Variants in RALY observed in about 807,000 individuals in gnomAD.
The protein encoded by RALY is RNA-binding protein Raly.
Under a neutral mutation model 30.7 loss-of-function variants are expected in RALY, and 15 were observed. The observed-to-expected ratio is 0.49, with a 90% CI of 0.33 to 0.75. The LOEUF (loss-of-function observed/expected upper bound fraction) is 0.75, where lower values mean the gene tolerates loss of function less well. Ranked by LOEUF, RALY falls within the 30% of genes least tolerant of loss-of-function variation. The probability of loss-of-function intolerance (pLI) is 0.02; values close to 1 mark genes in which losing one functional copy is unlikely to be tolerated. For synonymous variants in RALY, 177 were observed against 170.8 expected, an observed-to-expected ratio of 1.04 and a Z score of -0.28; for missense variants, 339 against 414.3, an observed-to-expected ratio of 0.82 and a Z score of 1.58.
In RALY at chr20:34,042,842, G is replaced by C. The variant is rs1164128718; in HGVS notation, c.-10+11238G>C. Among the ~76,000 whole-genome samples, 3 of 152,180 alleles carry C rather than the reference G, an allele frequency of 2.0e-5. No homozygotes were observed. In the East Asian group the frequency reaches 5.8e-4, roughly 29 times the overall value. ...TAAAACATTTGGGCCCTAATCGTTT[G>C]TGAAGAATAACAAAATTCCATTTCC... is the stretch of plus-strand genomic sequence containing the variant. On this transcript the variant is annotated intron_variant, in intron 2 of 9. Transcript: ENST00000246194.
intron 8 of RALY, 123 bp downstream of exon 8, chr20:34,077,368 A>T: frequency 6.5e-7 from 1 of 1,542,820 alleles, no homozygotes. Flanking sequence ...TCTCCTTCCC[A>T]GGGGTTCTGG....
chr20:34,064,677 C>T (rs1319148984), intron 2 of RALY, among the ~76,000 whole-genome samples: 1 of 152,180 alleles, frequency 6.6e-6, no homozygotes, highest in Non-Finnish European at 1.5e-5. Context: ...AGGGAGATGA[C>T]ATAGTAAAGA....
chr20:34,015,380 CAAAA>C (rs759904457), intron 1 of RALY, among the ~76,000 whole-genome samples: 8 of 151,152 alleles, frequency 5.3e-5, no homozygotes, highest in Non-Finnish European at 1.0e-4. Context: ...CATAAAAAAA[CAAAA>C]AAGCAAAAAA....
At chr20:34,001,867 T>C (rs1041818212) in intron 1 of RALY, among the ~76,000 whole-genome samples, 1 of 152,036 alleles carries the variant, frequency 6.6e-6, no homozygotes, top group Non-Finnish European at 1.5e-5. Flanking sequence ...CCCGGGTTCA[T>C]GCCATTCTCC....
chr20:34,038,029 G>C (rs2032565038), intron 2 of RALY, among the ~76,000 whole-genome samples: 1 of 152,182 alleles, frequency 6.6e-6, no homozygotes, highest in Non-Finnish European at 1.5e-5. Context: ...TCCAGAAACA[G>C]CTGGCTTGCT....
At chr20:34,051,956 C>T (rs2033093310) in intron 2 of RALY, among the ~76,000 whole-genome samples, 1 of 152,146 alleles carries the variant, frequency 6.6e-6, no homozygotes, top group Admixed American at 6.5e-5. Context: ...TCTCATTAAC[C>T]AGAGTATCAT....
chr20:34,055,272 TCCATGTAA>T (rs1446020273), intron 2 of RALY, among the ~76,000 whole-genome samples: 1 of 152,190 alleles, frequency 6.6e-6, no homozygotes, highest in Admixed American at 6.5e-5. Flanking sequence ...CAATGTATCT[TCCATGTAA>T]TAAGCAATTA....
At chr20:34,067,797 C>A (rs372995247) in intron 2 of RALY, among the ~76,000 whole-genome samples, 2 of 147,528 alleles carry the variant, frequency 1.4e-5, no homozygotes, top group South Asian at 2.1e-4. Context: ...TTTTCTCAAA[C>A]GTAGCTTTTT....
intron 8 of RALY, among the ~76,000 whole-genome samples, chr20:34,078,071 C>A (rs530810560): frequency 4.0e-4 from 61 of 152,340 alleles, no homozygotes; most frequent in African/African-American, 1.4e-3. Context: ...ATGGCCATGA[C>A]GGTTAGGAGG....
At chr20:34,010,236 C>T (rs2031342464) in intron 1 of RALY, among the ~76,000 whole-genome samples, 2 of 151,972 alleles carry the variant, frequency 1.3e-5, no homozygotes, top group African/African-American at 4.8e-5. Context: ...GAGTTGGTAC[C>T]TGGTCTTTTT....
chr20:34,073,900 C>T, intron 5 of RALY, 34 bp downstream of exon 5: 4 of 1,603,626 alleles, frequency 2.5e-6, no homozygotes, highest in Non-Finnish European at 3.4e-6. Flanking sequence ...AGGCATGAAA[C>T]AGCCAAGCTG....
At chr20:34,056,712 G>C (rs1252278396) in intron 2 of RALY, among the ~76,000 whole-genome samples, 1 of 152,122 alleles carries the variant, frequency 6.6e-6, no homozygotes, top group Non-Finnish European at 1.5e-5. Context: ...CAGTAATGAG[G>C]ATTTGATTTT....
chr20:34,057,132 A>G (rs2033269026), intron 2 of RALY, among the ~76,000 whole-genome samples: 1 of 152,198 alleles, frequency 6.6e-6, no homozygotes, highest in South Asian at 2.1e-4. Context: ...ATATGCTATA[A>G]TATATATAAT....
chr20:34,023,616 A>G (rs1011163238), intron 1 of RALY, among the ~76,000 whole-genome samples: 1 of 152,216 alleles, frequency 6.6e-6, no homozygotes, highest in African/African-American at 2.4e-5. Flanking sequence ...TGACTAAGGC[A>G]GGGGCTCTCA....
At chr20:34,008,542 A>C (rs1248640118) in intron 1 of RALY, among the ~76,000 whole-genome samples, 1 of 152,176 alleles carries the variant, frequency 6.6e-6, no homozygotes, top group Non-Finnish European at 1.5e-5. Flanking sequence ...GGCACTCTTA[A>C]ATCCTTTCTG....
At chr20:34,051,462 A>G (rs748343827) in intron 2 of RALY, among the ~76,000 whole-genome samples, 7 of 152,230 alleles carry the variant, frequency 4.6e-5, no homozygotes, top group Non-Finnish European at 7.3e-5. Flanking sequence ...ATGGTTGTGT[A>G]TGGATTTAAT....
chr20:34,019,549 C>T (rs2031736524), intron 1 of RALY, among the ~76,000 whole-genome samples: 1 of 152,132 alleles, frequency 6.6e-6, no homozygotes, highest in African/African-American at 2.4e-5. Context: ...CTGCTAGAAC[C>T]GAAGATCCCC....
chr20:34,024,616 A>G (rs1365258479), intron 1 of RALY, among the ~76,000 whole-genome samples: 1 of 152,164 alleles, frequency 6.6e-6, no homozygotes, highest in Non-Finnish European at 1.5e-5. Flanking sequence ...CAAGACCCCT[A>G]ATGTCACCTG....
chr20:34,009,661 T>A (rs2031315382), intron 1 of RALY, among the ~76,000 whole-genome samples: 1 of 152,188 alleles, frequency 6.6e-6, no homozygotes, highest in South Asian at 2.1e-4. Context: ...TCGGCCAAAT[T>A]TGGCAGAAGC....
Sources: allele counts gnomAD v4.1 joint callset (sites outside exome capture counted in the v4.1 genomes callset), GRCh38; gene constraint gnomAD v4.1.1; transcripts MANE v1.5; gene names NCBI Gene and HGNC (gene_info 2026-07-23, HGNC 2026-07-21).